The following TBC1D5 variants were observed in gnomAD, a reference collection of about 807,000 sequenced individuals.
The protein encoded by TBC1D5 is TBC1 domain family member 5, also known as TBC1 domain family, member 5.
TBC1D5 carries 75 observed loss-of-function variants against 100.3 expected under a neutral mutation model. The observed-to-expected ratio is 0.75, with a 90% confidence interval of 0.62 to 0.91. The LOEUF (loss-of-function observed/expected upper bound fraction) is 0.91. Among genes scored for constraint, TBC1D5 ranks in the 40% least tolerant of loss-of-function variants. TBC1D5 has a pLI of 0.00. For missense variants in TBC1D5, 910 were observed against 942.4 expected (o/e 0.97, Z 0.45); for synonymous variants, 323 against 325.6 (o/e 0.99, Z 0.09).
At chr3:17,527,120 G>C (rs371641448) in intron 2 of TBC1D5, among the ~76,000 whole-genome samples, 1 of 152,138 alleles carries the variant, frequency 6.6e-6, no homozygotes, top group Non-Finnish European at 1.5e-5. Flanking sequence ...TAAAGAGTTC[G>C]CATATCAAGT....
chr3:17,244,704 C>T (rs527947056), intron 16 of TBC1D5, among the ~76,000 whole-genome samples: 9 of 152,024 alleles, frequency 5.9e-5, no homozygotes, highest in African/African-American at 1.9e-4. Context: ...CTCTTTGCAC[C>T]CCTGTATACT....
intron 1 of TBC1D5, among the ~76,000 whole-genome samples, chr3:17,624,888 G>T (rs907470507): frequency 6.6e-6 from 1 of 151,960 alleles, no homozygotes; most frequent in African/African-American, 2.4e-5. Flanking sequence ...ATGACAAGAC[G>T]CCAGAGAGAA....
At chr3:17,289,015 C>T (rs1329658915) in intron 15 of TBC1D5, among the ~76,000 whole-genome samples, 1 of 152,212 alleles carries the variant, frequency 6.6e-6, no homozygotes, top group Non-Finnish European at 1.5e-5. Context: ...AGCTCATCAG[C>T]ATGCTGTAAC....
chr3:17,167,732 C>T lies in TBC1D5; in HGVS notation c.1932+17G>A. ...CAGGCGGGACACAAAGAAATAGTGTCAGAGCAATGCACATACCTGTTTTAA... is the reference window on the plus strand; with the variant it reads ...CAGGCGGGACACAAAGAAATAGTGTTAGAGCAATGCACATACCTGTTTTAA... On this transcript the variant is annotated intron_variant, in intron 20 of 21. Transcript: ENST00000253692. The T allele has an allele frequency of 6.2e-7, 1 of 1,612,910 alleles. No individual in the cohort carries two copies. Among genetic ancestry groups the T allele is most frequent in the Non-Finnish European group, 8.5e-7 (1 of 1,178,924 alleles).
At chr3:17,308,912 CTATT>C (rs1427832890) in intron 13 of TBC1D5, among the ~76,000 whole-genome samples, 3 of 151,968 alleles carry the variant, frequency 2.0e-5, no homozygotes, top group African/African-American at 7.2e-5. Flanking sequence ...AAATGTTAAA[CTATT>C]TATATCTAAT....
At chr3:17,583,857 A>G (rs1314905755) in intron 2 of TBC1D5, among the ~76,000 whole-genome samples, 1 of 152,230 alleles carries the variant, frequency 6.6e-6, no homozygotes, top group African/African-American at 2.4e-5. Flanking sequence ...ACTCCTAGGT[A>G]CATACCCATA....
At chr3:17,344,178 G>C (rs1163255078) in intron 13 of TBC1D5, among the ~76,000 whole-genome samples, 20 of 152,048 alleles carry the variant, frequency 1.3e-4, no homozygotes, top group Admixed American at 1.2e-3. Flanking sequence ...GATTGTCTCA[G>C]CCCAAAATCT....
At chr3:17,268,977 T>C (rs1026677049) in intron 15 of TBC1D5, among the ~76,000 whole-genome samples, 1 of 152,104 alleles carries the variant, frequency 6.6e-6, no homozygotes, top group Non-Finnish European at 1.5e-5. Context: ...TGGTTTAGTA[T>C]AGGCAGCTAC....
At chr3:17,706,442 C>T (rs548129224) in intron 1 of TBC1D5, among the ~76,000 whole-genome samples, 22 of 151,262 alleles carry the variant, frequency 1.5e-4, no homozygotes, top group East Asian at 9.8e-4. Flanking sequence ...CACACACACG[C>T]GCGCGCACAC....
At chr3:17,203,245 T>C (rs1231131183) in intron 18 of TBC1D5, among the ~76,000 whole-genome samples, 1 of 152,240 alleles carries the variant, frequency 6.6e-6, no homozygotes, top group Admixed American at 6.5e-5. Flanking sequence ...GGTTTCAGAC[T>C]TACATGGGGC....
At chr3:17,548,105 G>A (rs1208519714) in intron 2 of TBC1D5, among the ~76,000 whole-genome samples, 1 of 152,050 alleles carries the variant, frequency 6.6e-6, no homozygotes, top group African/African-American at 2.4e-5. Flanking sequence ...ACAAGGTCAG[G>A]AGATCGAGAC....
chr3:17,307,971 G>A, intron 14 of TBC1D5, 21 bp downstream of exon 14: 5 of 1,590,244 alleles, frequency 3.1e-6, no homozygotes, highest in Non-Finnish European at 4.3e-6. Flanking sequence ...GTCAAATGTA[G>A]GAAAGGTCAT....
chr3:17,705,983 CTTT>C (rs34439427), intron 1 of TBC1D5: 59 of 1,224,568 alleles, frequency 4.8e-5, no homozygotes, highest in Non-Finnish European at 5.5e-5. Context: ...TTTCTTTACT[CTTT>C]TTTTTTTTTG....
Position 17,406,400 on chromosome 3 carries a change from T to C in TBC1D5, c.276+18A>G. On this transcript the variant is annotated intron_variant, in intron 5 of 21. Coordinates refer to ENST00000253692, the Ensembl canonical transcript of TBC1D5. ...ATATATTGCAACCAGAAACTGTAAA[T>C]AAATATTTTCTTCTTACCTTCCAGC... is the stretch of plus-strand genomic sequence containing the variant. 1 of 1,600,912 alleles carries C rather than the reference T, an allele frequency of 6.2e-7. No individual in the cohort carries two copies. The highest frequency in any genetic ancestry group is 8.5e-7 in the Non-Finnish European group (1 of 1,174,668).
chr3:17,489,880 G>C (rs148063438), intron 3 of TBC1D5, among the ~76,000 whole-genome samples: 42 of 152,246 alleles, frequency 2.8e-4, no homozygotes, highest in African/African-American at 9.9e-4. Context: ...TACAGTAACG[G>C]GATAGCTGAA....
chr3:17,281,030 C>G (rs1000393211), intron 15 of TBC1D5, among the ~76,000 whole-genome samples: 1 of 152,232 alleles, frequency 6.6e-6, no homozygotes, highest in Non-Finnish European at 1.5e-5. Flanking sequence ...GCAACAGGTT[C>G]AAGTGAGTGG....
intron 4 of TBC1D5, among the ~76,000 whole-genome samples, chr3:17,415,589 A>G (rs1444653492): frequency 6.6e-6 from 1 of 152,186 alleles, no homozygotes; most frequent in African/African-American, 2.4e-5. Context: ...GAAACCAAGA[A>G]AAGCAGTATC....
At chr3:17,457,089 T>C (rs545007497) in intron 3 of TBC1D5, among the ~76,000 whole-genome samples, 2 of 152,106 alleles carry the variant, frequency 1.3e-5, no homozygotes, top group Non-Finnish European at 2.9e-5. Context: ...ATATATAGTA[T>C]TTTTTTCTAA....
At chr3:17,732,335 CA>C (rs1217346647) in intron 1 of TBC1D5, among the ~76,000 whole-genome samples, 2 of 149,630 alleles carry the variant, frequency 1.3e-5, no homozygotes, top group African/African-American at 2.5e-5. Context: ...AAAAAACAAA[CA>C]AAAAAAGACT....
Sources: allele counts gnomAD v4.1 joint callset (sites outside exome capture counted in the v4.1 genomes callset), GRCh38; gene constraint gnomAD v4.1.1; transcripts MANE v1.5; gene names NCBI Gene and HGNC (gene_info 2026-07-23, HGNC 2026-07-21).